The following ST8SIA4 variants were observed in gnomAD, a reference collection of about 807,000 sequenced individuals.
ST8SIA4 encodes ST8 alpha-N-acetyl-neuraminide alpha-2,8-sialyltransferase 4, also known as CMP-N-acetylneuraminate-poly-alpha-2,8-sialyltransferase.
Under a neutral mutation model 33.9 loss-of-function variants are expected in ST8SIA4, and 15 were observed. The observed-to-expected ratio is 0.44, with a 90% CI of 0.30 to 0.68. ST8SIA4 has a LOEUF of 0.68. Among genes scored for constraint, ST8SIA4 ranks in the 30% least tolerant of loss-of-function variants. The probability of loss-of-function intolerance (pLI) is 0.10; values close to 1 mark genes in which losing one functional copy is unlikely to be tolerated. For synonymous variants in ST8SIA4, 171 were observed against 151.2 expected (o/e 1.13, Z -0.96); for missense variants, 321 against 428.0 (o/e 0.75, Z 2.21).
chr5:100,891,089 T>A (rs933453451), intron 2 of ST8SIA4, among the ~76,000 whole-genome samples: 1 of 151,986 alleles, frequency 6.6e-6, no homozygotes, highest in Non-Finnish European at 1.5e-5. Flanking sequence ...AGTGCCACTC[T>A]TCTCTGTGGG....
chr5:100,824,478 A>G (rs1751098560), intron 4 of ST8SIA4, among the ~76,000 whole-genome samples: 1 of 152,166 alleles, frequency 6.6e-6, no homozygotes, highest in African/African-American at 2.4e-5. Flanking sequence ...GAAGAAGGCT[A>G]TGAATCCATA....
intron 4 of ST8SIA4, among the ~76,000 whole-genome samples, chr5:100,843,451 A>G (rs186424802): frequency 5.3e-4 from 80 of 152,020 alleles, no homozygotes; most frequent in Non-Finnish European, 1.5e-5. Context: ...TTTGGAGGAT[A>G]AAAGTGGAAG....
intron 1 of ST8SIA4, chr5:100,900,438 A>G (rs926447309): frequency 4.4e-6 from 2 of 456,158 alleles, no homozygotes; most frequent in African/African-American, 4.0e-5. Context: ...TGATGGTTTT[A>G]TGAGTCAACT....
At chr5:100,833,667 C>A (rs1561388429) in intron 4 of ST8SIA4, among the ~76,000 whole-genome samples, 1 of 152,110 alleles carries the variant, frequency 6.6e-6, no homozygotes, top group Non-Finnish European at 1.5e-5. Context: ...TATAGTGTTA[C>A]ATGGGTGTTA....
chr5:100,842,622 T>A (rs557790566), intron 4 of ST8SIA4, among the ~76,000 whole-genome samples: 5 of 151,808 alleles, frequency 3.3e-5, no homozygotes, highest in Non-Finnish European at 7.4e-5. Context: ...TATTTTGGTA[T>A]AAGGTTAGCT....
At chr5:100,886,201 T>C (rs1283268600) in intron 3 of ST8SIA4, 142 bp downstream of exon 3, 8 of 1,436,868 alleles carry the variant, frequency 5.6e-6, no homozygotes, top group Non-Finnish European at 6.4e-6. Context: ...AAATGTAATT[T>C]AAATGTTGCA....
At chr5:100,897,353 A>G (rs966119193) in intron 1 of ST8SIA4, among the ~76,000 whole-genome samples, 1 of 152,212 alleles carries the variant, frequency 6.6e-6, no homozygotes, top group Non-Finnish European at 1.5e-5. Context: ...TCATTATTCA[A>G]TAGACCATTT....
intron 3 of ST8SIA4, among the ~76,000 whole-genome samples, chr5:100,873,928 T>A (rs1379129082): frequency 6.6e-6 from 1 of 152,170 alleles, no homozygotes; most frequent in African/African-American, 2.4e-5. Context: ...TGTAAAAACT[T>A]GAAAGATAAC....
intron 1 of ST8SIA4, chr5:100,900,567 C>A: frequency 2.2e-6 from 1 of 451,554 alleles, no homozygotes; most frequent in Non-Finnish European, 4.5e-6. Flanking sequence ...TAGCTGCCCT[C>A]GCATTGTTCC....
chr5:100,835,698 T>C (rs1021849754), intron 4 of ST8SIA4, among the ~76,000 whole-genome samples: 3 of 152,184 alleles, frequency 2.0e-5, no homozygotes, highest in African/African-American at 7.2e-5. Flanking sequence ...GTGAAGTCCA[T>C]AGATATTCAC....
chr5:100,823,925 AAT>A (rs2112407017), intron 4 of ST8SIA4, among the ~76,000 whole-genome samples: 1 of 152,364 alleles, frequency 6.6e-6, no homozygotes, highest in South Asian at 2.1e-4. Flanking sequence ...TTTGAATAAG[AAT>A]ATAAGTTGAT....
At position 100,811,887 on chromosome 5, in the gene ST8SIA4, C is replaced by G. The variant is rs1216128717; in HGVS notation, c.1040G>C (p.Gly347Ala). 2 of 1,613,896 alleles carry G rather than the reference C, an allele frequency of 1.2e-6. No homozygotes were observed. Among genetic ancestry groups the G allele is most frequent in the Admixed American group, 3.3e-5 (2 of 59,994 alleles). The part of the protein sequence containing the change: ...FKTLNVLHNR[G>A]ALKLTTGKCV... ...CTTTCCTGTTGTCAGTTTTAGAGCTCCTCTATTATGTAGCACATTTAATGT... is the reference window on the plus strand; with the variant it reads ...CTTTCCTGTTGTCAGTTTTAGAGCTGCTCTATTATGTAGCACATTTAATGT... The change falls in exon 5 of 5, where the codon GGA (glycine) becomes GCA (alanine). Residue 347 changes from glycine (G) to alanine (A), a missense_variant. By Grantham distance (60) the Gly-to-Ala change is moderately conservative. Transcript: ENST00000231461.
chr5:100,856,873 G>A (rs1751825297), intron 3 of ST8SIA4, among the ~76,000 whole-genome samples: 1 of 152,114 alleles, frequency 6.6e-6, no homozygotes, highest in Non-Finnish European at 1.5e-5. Context: ...AATAAAGTTG[G>A]CTTTACTTAC....
In ST8SIA4 at chr5:100,811,091, G is replaced by A. The variant is rs1750806866; in HGVS notation, c.*756C>T. 6.6e-6 allele frequency: 1 copy of A among 151,462 alleles called. No homozygotes were observed. Among genetic ancestry groups the A allele is most frequent in the Non-Finnish European group, 1.5e-5 (1 of 68,078 alleles). The allele number at this position is 151,462 out of a possible 1,614,324, so 9.4% of individuals were successfully genotyped here. A position where few individuals can be genotyped will look rare whatever the true frequency, so the allele number is the denominator to read the frequency against. On this transcript the variant is annotated 3_prime_UTR_variant, in exon 5 of 5. Transcript: ENST00000231461. ...ACTCCGGAGGCTGAGGCAGGAGAAT[G>A]GAGTGAACTTGGGAGGCGGAGCTTG... is the stretch of plus-strand genomic sequence containing the variant.
intron 3 of ST8SIA4, among the ~76,000 whole-genome samples, 172 bp from the exon 4 acceptor site, chr5:100,856,568 A>G (rs1751818752): frequency 6.6e-6 from 1 of 152,218 alleles, no homozygotes; most frequent in African/African-American, 2.4e-5. Context: ...CCGCACGTGC[A>G]GGAATACTGC....
At chr5:100,852,221 A>C (rs1407549829) in intron 4 of ST8SIA4, among the ~76,000 whole-genome samples, 2 of 144,598 alleles carry the variant, frequency 1.4e-5, no homozygotes, top group Non-Finnish European at 3.0e-5. Context: ...CCCTGGGTTC[A>C]AGTGATTCTC....
In ST8SIA4 at chr5:100,854,687, G is replaced by A. The variant is rs182753875; in HGVS notation, c.797+1416C>T. Among the ~76,000 whole-genome samples, 7 of 152,274 alleles carry A rather than the reference G, an allele frequency of 4.6e-5. No homozygotes were observed. In the East Asian group the frequency reaches 1.3e-3, roughly 29 times the overall value. On this transcript the variant is annotated intron_variant, in intron 4 of 4. Transcript: ENST00000231461. ...AAGAAACTATCTAGAGATTTAAACA[G>A]GAAATGGTAAATCCTTGCAGGAAAT...
rs57222657 is a variant in ST8SIA4, at chr5:100,817,109, A to ATTT, written c.798-4983_798-4981dup. ...AGGCGCCCACTACAACACCCAGCTA[A>ATTT]TTTTTTTTTTTTTTTTTTTTTTTTT... On this transcript the variant is annotated intron_variant, in intron 4 of 4. Coordinates refer to ENST00000231461, the MANE Select transcript of ST8SIA4 (RefSeq NM_005668.6). 8.6e-4 allele frequency among the ~76,000 whole-genome samples: 64 copies of ATTT among 74,362 alleles called. 2 individuals carry two copies. Among genetic ancestry groups the ATTT allele is most frequent in the Non-Finnish European group, 1.1e-3 (50 of 44,492 alleles). The allele number at this position is 74,362 out of a possible 152,430, so 48.8% of individuals were successfully genotyped here. A position where few individuals can be genotyped will look rare whatever the true frequency, so the allele number is the denominator to read the frequency against.
chr5:100,833,639 T>C (rs551392578), intron 4 of ST8SIA4, among the ~76,000 whole-genome samples: 1 of 152,296 alleles, frequency 6.6e-6, no homozygotes, highest in South Asian at 2.1e-4. Flanking sequence ...TGAAAATCAC[T>C]TGTAATAATG....
Sources: gnomAD v4.1 joint callset for allele counts (sites outside exome capture counted in the v4.1 genomes callset) on GRCh38, gnomAD v4.1.1 for gene constraint, MANE v1.5 for transcripts, NCBI Gene and HGNC (gene_info 2026-07-23, HGNC 2026-07-21) for gene names.